The following NEBL variants were observed in gnomAD, a reference collection of about 807,000 sequenced individuals.
NEBL encodes the protein LIM and SH3 protein 2.
NEBL carries 122 observed loss-of-function variants against 140.2 expected under a neutral mutation model. That is an observed-to-expected ratio of 0.87 (90% CI 0.75 to 1.01). NEBL has a LOEUF of 1.01. Ranked by LOEUF, NEBL falls within the 50% of genes least tolerant of loss-of-function variation. NEBL has a pLI of 0.00. For synonymous variants in NEBL, 436 were observed against 398.9 expected (o/e 1.09, Z -1.11); for missense variants, 1,365 against 1,231.3 (o/e 1.11, Z -1.62).
chr10:21,180,130 C>T (rs1302329506), intron 3 of NEBL, among the ~76,000 whole-genome samples: 4 of 150,628 alleles, frequency 2.7e-5, no homozygotes, highest in Admixed American at 2.0e-4. Context: ...GAGTGAGACT[C>T]GGTCTCAGAA....
exon 1 of NEBL, chr10:21,174,147 C>A: frequency 3.6e-6 from 2 of 554,680 alleles, no homozygotes; most frequent in Non-Finnish European, 4.7e-6. Flanking sequence ...CCGCCCCTCG[C>A]GCTCACTCGC....
chr10:20,946,135 G>A (rs1165107076), intron 4 of NEBL, among the ~76,000 whole-genome samples: 1 of 152,204 alleles, frequency 6.6e-6, no homozygotes, highest in Non-Finnish European at 1.5e-5. Context: ...ACAGGCCCCT[G>A]CTTGAGTCTT....
At chr10:21,174,118 C>CTGTGTGAG in exon 1 of NEBL, 1 of 782,478 alleles carries the variant, frequency 1.3e-6, no homozygotes, top group Non-Finnish European at 1.6e-6. Context: ...GTACGGGTGA[C>CTGTGTGAG]TCACACAGTC....
upstream of NEBL, chr10:21,174,232 A>C (rs979653676): frequency 5.8e-6 from 1 of 173,706 alleles, no homozygotes; most frequent in African/African-American, 2.4e-5. Context: ...GGGAACGTGC[A>C]CGTCGGGCAC....
intron 3 of NEBL, among the ~76,000 whole-genome samples, chr10:20,999,022 G>C (rs888146680): frequency 6.6e-6 from 1 of 152,178 alleles, no homozygotes; most frequent in Non-Finnish European, 1.5e-5. Flanking sequence ...AGCCAGTAAA[G>C]AAGTCCAAGC....
At chr10:20,846,028 G>A (rs150205442) in intron 11 of NEBL, among the ~76,000 whole-genome samples, 7 of 152,254 alleles carry the variant, frequency 4.6e-5, no homozygotes, top group Admixed American at 3.9e-4. Context: ...GAAATGAAAG[G>A]TGGATGCGAC....
intron 2 of NEBL, among the ~76,000 whole-genome samples, chr10:21,095,849 C>T (rs1418708081): frequency 6.6e-6 from 1 of 152,206 alleles, no homozygotes; most frequent in African/African-American, 2.4e-5. Flanking sequence ...CCTCTTAGTA[C>T]TGTTCAAAAG....
chr10:20,811,779 G>C (rs1244851257), intron 24 of NEBL, among the ~76,000 whole-genome samples: 1 of 152,090 alleles, frequency 6.6e-6, no homozygotes, highest in African/African-American at 2.4e-5. Context: ...TTACTGAGTG[G>C]CATATACCAA....
At chr10:21,151,090 C>T (rs962416867) in intron 2 of NEBL, among the ~76,000 whole-genome samples, 4 of 152,208 alleles carry the variant, frequency 2.6e-5, no homozygotes, top group African/African-American at 9.6e-5. Flanking sequence ...AAGAAAGGAA[C>T]TGAAGTCATT....
chr10:21,058,257 G>A (rs960853635), intron 2 of NEBL, among the ~76,000 whole-genome samples: 19 of 152,164 alleles, frequency 1.2e-4, no homozygotes, highest in African/African-American at 4.1e-4. Flanking sequence ...AGTCCTGAGA[G>A]CATAGCATTC....
At chr10:20,806,019 A>G (rs1837585938) in intron 26 of NEBL, among the ~76,000 whole-genome samples, 2 of 152,210 alleles carry the variant, frequency 1.3e-5, no homozygotes, top group Admixed American at 6.5e-5. Context: ...AAATTCTAGT[A>G]TAAATGCAAG....
At chr10:21,206,599 G>A (rs1363477647) in intron 3 of NEBL, among the ~76,000 whole-genome samples, 1 of 152,174 alleles carries the variant, frequency 6.6e-6, no homozygotes, top group African/African-American at 2.4e-5. Flanking sequence ...CCTAGACACT[G>A]GGTTGCAGCA....
intron 9 of NEBL, among the ~76,000 whole-genome samples, chr10:20,855,324 AT>A (rs1842958293): frequency 6.6e-6 from 1 of 152,000 alleles, no homozygotes; most frequent in Admixed American, 6.6e-5. Context: ...TTATCTTGTA[AT>A]ATGTATTTAT....
intron 2 of NEBL, among the ~76,000 whole-genome samples, chr10:21,080,437 A>G (rs1345939148): frequency 3.3e-5 from 5 of 152,260 alleles, no homozygotes; most frequent in Admixed American, 6.5e-5. Context: ...TAACTCTGGC[A>G]TATAAGCTGG....
intron 2 of NEBL, among the ~76,000 whole-genome samples, chr10:21,055,373 A>G (rs961082629): frequency 5.3e-5 from 8 of 152,158 alleles, no homozygotes; most frequent in Admixed American, 3.9e-4. Context: ...ACGCACCCCA[A>G]AGGAAATAGG....
chr10:20,984,924 T>C (rs1220918517), intron 3 of NEBL, among the ~76,000 whole-genome samples: 1 of 152,110 alleles, frequency 6.6e-6, no homozygotes, highest in Admixed American at 6.5e-5. Context: ...ACGAACCCTA[T>C]TGTGAACTGC....
intron 2 of NEBL, among the ~76,000 whole-genome samples, chr10:21,071,995 T>C (rs1331250125): frequency 6.6e-6 from 1 of 152,132 alleles, no homozygotes; most frequent in Non-Finnish European, 1.5e-5. Context: ...ATTTTTGTGT[T>C]TTAGTAGAGA....
chr10:20,821,562 A>C (rs778001834), intron 19 of NEBL, among the ~76,000 whole-genome samples: 53 of 152,226 alleles, frequency 3.5e-4, no homozygotes, highest in South Asian at 2.1e-4. Flanking sequence ...ATTTTCAAAT[A>C]AAGTTATTTC....
intron 3 of NEBL, among the ~76,000 whole-genome samples, chr10:21,201,522 T>C (rs1322939518): frequency 1.3e-5 from 2 of 152,208 alleles, no homozygotes; most frequent in African/African-American, 2.4e-5. Context: ...AGTACTTCCT[T>C]AAGGAAAGGA....
Sources: gnomAD v4.1 joint callset for allele counts (sites outside exome capture counted in the v4.1 genomes callset) on GRCh38, gnomAD v4.1.1 for gene constraint, MANE v1.5 for transcripts, NCBI Gene and HGNC (gene_info 2026-07-23, HGNC 2026-07-21) for gene names.